Variants in PRUNE2 observed in about 807,000 individuals in gnomAD.
The protein encoded by PRUNE2 is prune homolog 2 with BCH domain, also known as protein prune homolog 2.
In PRUNE2, 164 loss-of-function variants were observed where a neutral mutation model predicts 252.0. The observed-to-expected ratio is 0.65, with a 90% CI of 0.57 to 0.74. The LOEUF (loss-of-function observed/expected upper bound fraction) is 0.74, where lower values mean the gene tolerates loss of function less well. Among genes scored for constraint, PRUNE2 ranks in the 30% least tolerant of loss-of-function variants. PRUNE2 has a pLI of 0.00. For synonymous variants in PRUNE2, 1,292 were observed against 1,350.2 expected (o/e 0.96, Z 0.94); for missense variants, 3,495 against 3,711.0 (o/e 0.94, Z 1.51).
chr9:76,735,806 G>A (rs915573104), intron 6 of PRUNE2, among the ~76,000 whole-genome samples: 31 of 152,280 alleles, frequency 2.0e-4, no homozygotes, highest in African/African-American at 7.5e-4. Flanking sequence ...AAGAATTGGT[G>A]ATACCCATTT....
chr9:76,842,026 G>A lies in PRUNE2; in HGVS notation c.508+4489C>T, dbSNP rs141545514. ...TTCATATGGAACCAAAAAAGAACCC[G>A]TATAGCCAAGACAATCCTAAGCAAA... On this transcript the variant is annotated intron_variant, in intron 4 of 18. Transcript: ENST00000376718. Among the ~76,000 whole-genome samples, 230 of 152,210 alleles carry A rather than the reference G, an allele frequency of 1.5e-3. 1 individual carries two copies. The highest frequency in any genetic ancestry group is 5.2e-3 in the African/African-American group (216 of 41,526).
intron 18 of PRUNE2, among the ~76,000 whole-genome samples, chr9:76,615,609 C>T (rs1316441110): frequency 6.6e-6 from 1 of 152,152 alleles, no homozygotes; most frequent in East Asian, 1.9e-4. Flanking sequence ...GTTTCCATTT[C>T]TGTATCTGTA....
Position 76,710,727 on chromosome 9 carries a change from G to A in PRUNE2, c.1547C>T (p.Ser516Phe). The A allele has an allele frequency of 6.2e-7, 1 of 1,612,824 alleles. No individual in the cohort carries two copies. The highest frequency in any genetic ancestry group is 8.5e-7 in the Non-Finnish European group (1 of 1,179,432). Residue 516 changes from serine (S) to phenylalanine (F), a missense_variant, in exon 8 of 19, where the codon TCC becomes TTC. Physicochemically the swap from Ser to Phe is radical, Grantham distance 155 (BLOSUM62 -2). Transcript: ENST00000376718. ...SQQSSHSADY[S>F]PADDFFPNSD... ...GTTGGGGAAGAAGTCATCTGCTGGG[G>A]AGTAGTCTGCAGAATGAGAAGATTG...
Position 76,708,073 on chromosome 9 carries a change from A to G in PRUNE2, c.4201T>C (p.Leu1401=). 6.2e-7 allele frequency: 1 copy of G among 1,613,934 alleles called. No individual in the cohort carries two copies. Among genetic ancestry groups the G allele is most frequent in the Non-Finnish European group, 8.5e-7 (1 of 1,179,882 alleles). ...SPQTEEPEEV[L]EYEEGSYNLD... ...TTGTAAGACCCCTCCTCATACTCTAAAACTTCCTCTGGTTCCTCGGTTTGA... is the reference window on the plus strand; with the variant it reads ...TTGTAAGACCCCTCCTCATACTCTAGAACTTCCTCTGGTTCCTCGGTTTGA... Residue 1401 remains leucine, a synonymous_variant, in exon 8 of 19, where the codon TTA becomes CTA. Coordinates refer to ENST00000376718, the MANE Select transcript of PRUNE2 (RefSeq NM_015225.3).
chr9:76,653,550 T>C (rs969911485), intron 10 of PRUNE2, among the ~76,000 whole-genome samples: 1 of 152,324 alleles, frequency 6.6e-6, no homozygotes, highest in Middle Eastern at 3.4e-3. Context: ...TGTGGTAGGT[T>C]GAATCCACGG....
intron 12 of PRUNE2, chr9:76,641,963 G>C (rs1003925018): frequency 1.3e-6 from 2 of 1,485,356 alleles, no homozygotes; most frequent in African/African-American, 3.0e-5. Flanking sequence ...AGACTTCAGA[G>C]AAGGTTACCT....
In PRUNE2 at chr9:76,706,755, A is replaced by G. The variant is rs764338398; in HGVS notation, c.5519T>C (p.Ile1840Thr). 6.2e-7 allele frequency: 1 copy of G among 1,612,356 alleles called. No homozygotes were observed. Among genetic ancestry groups the G allele is most frequent in the South Asian group, 1.1e-5 (1 of 90,682 alleles). The change falls in exon 8 of 19, where the codon ATT becomes ACT. Residue 1840 changes from isoleucine to threonine, a missense_variant. Physicochemically the swap from Ile to Thr is moderately conservative, Grantham distance 89. Coordinates refer to ENST00000376718, the MANE Select transcript of PRUNE2 (RefSeq NM_015225.3). ...WKASPQEGRL[I>T]ESPFERELSD... The stretch of plus-strand genomic sequence containing the variant: ...CAGCTCCCTTTCAAATGGACTTTCA[A>G]TTAGTCTCCCTTCCTGGGGTGAGGC...
intron 1 of PRUNE2, among the ~76,000 whole-genome samples, chr9:76,872,784 G>A (rs72735033): frequency 6.6e-6 from 1 of 152,232 alleles, no homozygotes; most frequent in South Asian, 2.1e-4. Flanking sequence ...GATGAAACAA[G>A]ATTAGCAAAA....
At chr9:76,769,280 A>T (rs1305316624) in intron 6 of PRUNE2, among the ~76,000 whole-genome samples, 1 of 152,218 alleles carries the variant, frequency 6.6e-6, no homozygotes, top group Non-Finnish European at 1.5e-5. Context: ...TTACTTCAAT[A>T]CACTGGGGAC....
At chr9:76,859,573 A>C (rs1197383040) in intron 1 of PRUNE2, among the ~76,000 whole-genome samples, 3 of 152,176 alleles carry the variant, frequency 2.0e-5, no homozygotes, top group Non-Finnish European at 2.9e-5. Flanking sequence ...CAATGCACCG[A>C]GAATAGCAAA....
chr9:76,807,053 C>T (rs58247155), intron 6 of PRUNE2, among the ~76,000 whole-genome samples: 8,419 of 107,148 alleles, frequency 0.079, 645 homozygotes, highest in African/African-American at 0.26. Context: ...TGTGTGTGTG[C>T]GCGCGCGCGT....
At chr9:76,876,846 CTAATCAAACTGCAT>C (rs1306359801) in intron 1 of PRUNE2, among the ~76,000 whole-genome samples, 1 of 152,150 alleles carries the variant, frequency 6.6e-6, no homozygotes, top group African/African-American at 2.4e-5. Context: ...TAGAGAAATG[CTAATCAAACTGCAT>C]TACATGAGAT....
intron 9 of PRUNE2, chr9:76,692,072 A>T (rs866701029): frequency 1.3e-4 from 93 of 717,354 alleles, no homozygotes; most frequent in Non-Finnish European, 2.3e-4. Flanking sequence ...GGACCCACCT[A>T]CCTTCTGAGG....
chr9:76,664,008 C>T (rs1468647383), intron 9 of PRUNE2, among the ~76,000 whole-genome samples: 5 of 152,148 alleles, frequency 3.3e-5, no homozygotes, highest in East Asian at 1.9e-4. Flanking sequence ...TACGCAGATC[C>T]GCTACATCCT....
chr9:76,644,178 A>G (rs1274241334), intron 12 of PRUNE2, among the ~76,000 whole-genome samples: 4 of 152,112 alleles, frequency 2.6e-5, no homozygotes, highest in African/African-American at 9.7e-5. Context: ...CTTGTCTCTC[A>G]CCAAACAGGT....
In PRUNE2 at chr9:76,773,166, C is replaced by T. The variant is rs146616045; in HGVS notation, c.756+50466G>A. ...CCAAGTTAAATTTACTTCACCAAAG[C>T]GGTCTTTTGTTGTTGTTGGGATTCA... On this transcript the variant is annotated intron_variant, in intron 6 of 18. Transcript: ENST00000376718. 5.3e-3 allele frequency among the ~76,000 whole-genome samples: 806 copies of T among 152,248 alleles called. 7 individuals carry two copies. Among genetic ancestry groups the T allele is most frequent in the African/African-American group, 0.019 (771 of 41,526 alleles).
chr9:76,850,380 C>T (rs2132539900), intron 3 of PRUNE2, 83 bp downstream of exon 3: 1 of 1,125,128 alleles, frequency 8.9e-7, no homozygotes, highest in South Asian at 1.3e-5. Flanking sequence ...GCCTAAACCA[C>T]AAAAGTCCTG....
At chr9:76,900,340 C>T (rs964754777) in intron 1 of PRUNE2, among the ~76,000 whole-genome samples, 1 of 152,180 alleles carries the variant, frequency 6.6e-6, no homozygotes, top group Non-Finnish European at 1.5e-5. Context: ...CTAACCCAAA[C>T]TTTGTGGGTC....
intron 9 of PRUNE2, among the ~76,000 whole-genome samples, chr9:76,683,341 AC>A (rs2043692739): frequency 6.6e-6 from 1 of 152,220 alleles, no homozygotes; most frequent in South Asian, 2.1e-4. Context: ...GGAGAGAGGA[AC>A]CCACTGTATT....
Sources: gnomAD v4.1 joint callset for allele counts (sites outside exome capture counted in the v4.1 genomes callset) on GRCh38, gnomAD v4.1.1 for gene constraint, MANE v1.5 for transcripts, NCBI Gene and HGNC (gene_info 2026-07-23, HGNC 2026-07-21) for gene names.